The following GPC6 variants were observed in gnomAD, a reference collection of about 807,000 sequenced individuals.
GPC6 encodes the protein glypican 6.
Under a neutral mutation model 55.2 loss-of-function variants are expected in GPC6, and 14 were observed. The observed-to-expected ratio is 0.25, with a 90% CI of 0.17 to 0.40. The LOEUF (loss-of-function observed/expected upper bound fraction) is 0.40. GPC6 is among the 10% of genes least tolerant of loss of function. GPC6 has a pLI of 1.00. For missense variants in GPC6, 641 were observed against 708.5 expected (o/e 0.90, Z 1.08); for synonymous variants, 278 against 259.6 (o/e 1.07, Z -0.68).
intron 2 of GPC6, among the ~76,000 whole-genome samples, chr13:93,794,499 G>C (rs2138927202): frequency 6.6e-6 from 1 of 152,276 alleles, no homozygotes; most frequent in Admixed American, 6.5e-5. Flanking sequence ...TAATACACAA[G>C]CATCAGCGCT....
chr13:93,618,896 G>A lies in GPC6; in HGVS notation c.319+73475G>A, dbSNP rs142436981. ...GGTGATTTTGTCTTGTGTGAACATC[G>A]TTGAGTATACATCTACAAACCTAAA... On this transcript the variant is annotated intron_variant, in intron 2 of 8. Transcript: ENST00000377047. Among the ~76,000 whole-genome samples, 15 of 152,176 alleles carry A rather than the reference G, an allele frequency of 9.9e-5. No individual in the cohort carries two copies. In the East Asian group the frequency reaches 1.9e-3, roughly 20 times the overall value.
chr13:94,137,369 A>G (rs1459653682), intron 4 of GPC6, among the ~76,000 whole-genome samples: 1 of 152,176 alleles, frequency 6.6e-6, no homozygotes, highest in Non-Finnish European at 1.5e-5. Flanking sequence ...CAGCTGGGAC[A>G]TTTAGAAAAT....
At chr13:94,256,902 T>C (rs888862477) in intron 4 of GPC6, among the ~76,000 whole-genome samples, 1 of 152,200 alleles carries the variant, frequency 6.6e-6, no homozygotes, top group Non-Finnish European at 1.5e-5. Context: ...GTCAATCACA[T>C]ACTAAAAAGC....
chr13:93,244,389 G>A (rs184358254), intron 1 of GPC6, among the ~76,000 whole-genome samples: 44 of 152,344 alleles, frequency 2.9e-4, no homozygotes, highest in African/African-American at 1.1e-3. Flanking sequence ...CGAAGCAGGG[G>A]CACCTGGCTC....
At position 94,404,916 on chromosome 13, in the gene GPC6, A is replaced by C. The variant is rs1185936382; in HGVS notation, c.*1699A>C. 1 of 152,142 alleles carries C rather than the reference A, an allele frequency of 6.6e-6. No individual in the cohort carries two copies. Among genetic ancestry groups the C allele is most frequent in the African/African-American group, 2.4e-5 (1 of 41,448 alleles). The allele number at this position is 152,142 out of a possible 1,614,324, so 9.4% of individuals were successfully genotyped here. ...GCTTTATGAATACAGTTGGCTATCC[A>C]TATGTTTCTTAGTTTTTATGATGCA... is the stretch of plus-strand genomic sequence containing the variant. On this transcript the variant is annotated 3_prime_UTR_variant, in exon 9 of 9. Transcript: ENST00000377047.
intron 2 of GPC6, among the ~76,000 whole-genome samples, chr13:93,639,242 T>A (rs187664107): frequency 1.9e-3 from 291 of 152,184 alleles, no homozygotes; most frequent in African/African-American, 6.3e-3. Context: ...GAGCCCACAG[T>A]ATCCTGGACT....
chr13:94,050,597 A>G (rs1292139661), intron 4 of GPC6, among the ~76,000 whole-genome samples: 1 of 152,168 alleles, frequency 6.6e-6, no homozygotes, highest in African/African-American at 2.4e-5. Flanking sequence ...GAGAATGTGC[A>G]CCAATAGACG....
At chr13:93,511,867 C>T (rs1164358464) in intron 1 of GPC6, among the ~76,000 whole-genome samples, 1 of 151,774 alleles carries the variant, frequency 6.6e-6, no homozygotes, top group Non-Finnish European at 1.5e-5. Context: ...TGTAGTTTGC[C>T]TTGTATAGAT....
At chr13:94,081,952 T>G (rs1295882664) in intron 4 of GPC6, among the ~76,000 whole-genome samples, 1 of 151,510 alleles carries the variant, frequency 6.6e-6, no homozygotes, top group Non-Finnish European at 1.5e-5. Flanking sequence ...GCAATTTTTC[T>G]GTCTCAGCCT....
intron 4 of GPC6, among the ~76,000 whole-genome samples, chr13:94,197,883 C>G (rs908593662): frequency 7.2e-5 from 11 of 151,850 alleles, no homozygotes; most frequent in Admixed American, 5.9e-4. Context: ...TTAAAAAAAG[C>G]TCTATGCCCT....
intron 2 of GPC6, among the ~76,000 whole-genome samples, chr13:93,626,567 G>A (rs1879207841): frequency 6.6e-6 from 1 of 152,066 alleles, no homozygotes; most frequent in African/African-American, 2.4e-5. Context: ...TTTAGGAGGT[G>A]GAGGTGGGTG....
intron 6 of GPC6, among the ~76,000 whole-genome samples, chr13:94,382,161 T>C (rs1005118983): frequency 1.3e-5 from 2 of 152,024 alleles, no homozygotes; most frequent in African/African-American, 4.8e-5. Flanking sequence ...ATTCAAAGGA[T>C]TGAAGGACAG....
At chr13:94,075,910 A>G (rs533914067) in intron 4 of GPC6, among the ~76,000 whole-genome samples, 2 of 152,102 alleles carry the variant, frequency 1.3e-5, no homozygotes, top group South Asian at 2.1e-4. Context: ...GACTACTGCT[A>G]TAATACACAT....
intron 1 of GPC6, among the ~76,000 whole-genome samples, chr13:93,483,557 G>T (rs1201656125): frequency 6.6e-6 from 1 of 151,870 alleles, no homozygotes; most frequent in Non-Finnish European, 1.5e-5. Flanking sequence ...CAATCGATTT[G>T]CAGGCTTTAT....
In GPC6 at chr13:93,408,959, T is replaced by C. The variant is rs148354718; in HGVS notation, c.161-136304T>C. Among the ~76,000 whole-genome samples the C allele has an allele frequency of 1.5e-3, 225 of 152,252 alleles. 2 individuals carry two copies. The highest frequency in any genetic ancestry group is 5.2e-3 in the African/African-American group (218 of 41,556). Reference sequence around the variant, plus strand: ...AACTAGTTTGGGAGAAAGTTGATGATGGAGTTTTACTTATACTTCAATCTG... The same window carrying C: ...AACTAGTTTGGGAGAAAGTTGATGACGGAGTTTTACTTATACTTCAATCTG... On this transcript the variant is annotated intron_variant, in intron 1 of 8. Coordinates refer to ENST00000377047, the MANE Select transcript of GPC6 (RefSeq NM_005708.5).
rs1172092490 is a variant in GPC6, at chr13:93,239,276, T to TTCAGGATTTCTATTTC, written c.160+11662_160+11677dup. On this transcript the variant is annotated intron_variant, in intron 1 of 8. Transcript: ENST00000377047. The stretch of plus-strand genomic sequence containing the variant: ...GATCTCACTACTTGTTATTTGTCTG[T>TTCAGGATTTCTATTTC]TCAGGATTTCTATTTCTTTCTGATT... Among the ~76,000 whole-genome samples, 3 of 152,030 alleles carry TTCAGGATTTCTATTTC rather than the reference T, an allele frequency of 2.0e-5. No homozygotes were observed. The East Asian group carries it at 5.8e-4, about 29-fold the overall frequency.
At chr13:93,585,178 A>G (rs9589784) in intron 2 of GPC6, among the ~76,000 whole-genome samples, 21,808 of 152,114 alleles carry the variant, frequency 0.14, 3,823 homozygotes, top group African/African-American at 0.41. Context: ...ACTTTTTAGT[A>G]TTTTTAGGGG....
intron 6 of GPC6, among the ~76,000 whole-genome samples, chr13:94,329,316 G>C (rs1158880900): frequency 3.3e-5 from 5 of 152,202 alleles, no homozygotes; most frequent in Middle Eastern, 3.4e-3. Flanking sequence ...ATTTTCACAT[G>C]AGTTCACAGT....
At chr13:93,325,904 G>A (rs768433568) in intron 1 of GPC6, among the ~76,000 whole-genome samples, 1 of 152,104 alleles carries the variant, frequency 6.6e-6, no homozygotes, top group Non-Finnish European at 1.5e-5. Flanking sequence ...TCAGGGCCCT[G>A]CCTGCATGGT....
Sources: gnomAD v4.1 joint callset for allele counts (sites outside exome capture counted in the v4.1 genomes callset) on GRCh38, gnomAD v4.1.1 for gene constraint, MANE v1.5 for transcripts, NCBI Gene and HGNC (gene_info 2026-07-23, HGNC 2026-07-21) for gene names.